ROR2: variants seen among roughly 807,000 people sequenced by gnomAD.
ROR2 encodes tyrosine-protein kinase transmembrane receptor ROR2.
Under a neutral mutation model 74.9 loss-of-function variants are expected in ROR2, and 33 were observed. The ratio of observed to expected loss-of-function variants is 0.44; its 90% confidence interval spans 0.33 to 0.59. The LOEUF is 0.59. Among genes scored for constraint, ROR2 ranks in the 20% least tolerant of loss-of-function variants. The pLI is 0.02. For synonymous variants in ROR2, 586 were observed against 558.7 expected, an observed-to-expected ratio of 1.05 and a Z score of -0.69; for missense variants, 1,216 against 1,313.8, an observed-to-expected ratio of 0.93 and a Z score of 1.15.
At chr9:91,891,997 G>A (rs1432974223) in intron 1 of ROR2, among the ~76,000 whole-genome samples, 3 of 148,780 alleles carry the variant, frequency 2.0e-5, no homozygotes, top group East Asian at 2.0e-4. Context: ...GCAGTGAACC[G>A]AGATCGCGCC....
chr9:91,726,805 T>G (rs946166948), intron 7 of ROR2, 62 bp from the exon 8 acceptor site: 100 of 1,540,258 alleles, frequency 6.5e-5, no homozygotes, highest in Non-Finnish European at 8.8e-5. Flanking sequence ...CTAAGTTCTC[T>G]ACCAACCCAC....
chr9:91,745,773 T>G (rs565727877), intron 4 of ROR2, among the ~76,000 whole-genome samples: 1 of 152,322 alleles, frequency 6.6e-6, no homozygotes, highest in South Asian at 2.1e-4. Context: ...ATTATCTTAC[T>G]GATGATTGTC....
At chr9:91,835,759 TGGAGCTCAG>T (rs1828593761) in intron 1 of ROR2, among the ~76,000 whole-genome samples, 1 of 152,138 alleles carries the variant, frequency 6.6e-6, no homozygotes, top group Non-Finnish European at 1.5e-5. Flanking sequence ...GGTGCACCTG[TGGAGCTCAG>T]GGGCTGACTG....
chr9:91,865,599 G>A lies in ROR2; in HGVS notation c.97+84268C>T, dbSNP rs186173973. 5.3e-4 allele frequency among the ~76,000 whole-genome samples: 81 copies of A among 152,278 alleles called. 1 individual carries two copies. The East Asian group carries it at 0.012, about 22-fold the overall frequency. On this transcript the variant is annotated intron_variant, in intron 1 of 8. Transcript: ENST00000375708. ...ATACAAATTTGCAGATCAGTCCTTT[G>A]TCATTCCTTTAAAAAGGGCCATGAC...
chr9:91,873,109 G>T (rs1829851544), intron 1 of ROR2, among the ~76,000 whole-genome samples: 1 of 152,160 alleles, frequency 6.6e-6, no homozygotes, highest in Non-Finnish European at 1.5e-5. Context: ...CTGGTCCTGT[G>T]GGTCCGGCTT....
intron 1 of ROR2, among the ~76,000 whole-genome samples, chr9:91,823,455 A>G (rs886212353): frequency 6.6e-6 from 1 of 150,412 alleles, no homozygotes; most frequent in Non-Finnish European, 1.5e-5. Context: ...TCAGCCTCCC[A>G]AGTAGCTGGG....
intron 1 of ROR2, among the ~76,000 whole-genome samples, chr9:91,823,805 A>G (rs1177392846): frequency 6.6e-6 from 1 of 152,256 alleles, no homozygotes; most frequent in Non-Finnish European, 1.5e-5. Flanking sequence ...AATAAACAGG[A>G]TTACATTTAG....
chr9:91,840,709 T>C lies in ROR2; in HGVS notation c.98-64891A>G, dbSNP rs565090050. On this transcript the variant is annotated intron_variant, in intron 1 of 8. Transcript: ENST00000375708. ...ACAACCAAGACAGGTGAGGCGGTGATGGCCAGAACCAAATGCCAGCCTGGG... is the reference window on the plus strand; with the variant it reads ...ACAACCAAGACAGGTGAGGCGGTGACGGCCAGAACCAAATGCCAGCCTGGG... Among the ~76,000 whole-genome samples the C allele has an allele frequency of 3.9e-5, 6 of 152,332 alleles. No homozygotes were observed. The East Asian group carries it at 1.2e-3, about 29-fold the overall frequency.
intron 1 of ROR2, among the ~76,000 whole-genome samples, chr9:91,946,743 A>G (rs1042891900): frequency 2.2e-5 from 3 of 137,914 alleles, no homozygotes; most frequent in African/African-American, 9.2e-5. Context: ...AGTCCTTCAC[A>G]TCCAGTTCCC....
intron 1 of ROR2, among the ~76,000 whole-genome samples, chr9:91,870,874 T>A (rs1534529): frequency 0.015 from 2,259 of 152,260 alleles, 62 homozygotes; most frequent in African/African-American, 0.051. Context: ...ACTCACAGAG[T>A]CAAGAAAACT....
intron 1 of ROR2, among the ~76,000 whole-genome samples, chr9:91,932,501 A>G: frequency 7.4e-6 from 1 of 135,054 alleles, no homozygotes; most frequent in East Asian, 2.1e-4. Flanking sequence ...TACTAAAAAT[A>G]CAAAAAAAAA....
intron 1 of ROR2, among the ~76,000 whole-genome samples, chr9:91,859,546 G>C (rs190019462): frequency 4.6e-4 from 70 of 152,290 alleles, no homozygotes; most frequent in African/African-American, 1.6e-3. Flanking sequence ...TTTCAGGCCA[G>C]GCAGGGTGGC....
At chr9:91,894,727 T>C (rs934959953) in intron 1 of ROR2, among the ~76,000 whole-genome samples, 1 of 152,198 alleles carries the variant, frequency 6.6e-6, no homozygotes, top group Non-Finnish European at 1.5e-5. Flanking sequence ...GTTCCTTCAG[T>C]ATGCTTAATT....
chr9:91,936,700 A>G (rs1228315003), intron 1 of ROR2, among the ~76,000 whole-genome samples: 1 of 152,228 alleles, frequency 6.6e-6, no homozygotes, highest in African/African-American at 2.4e-5. Flanking sequence ...TTTAGGAAGC[A>G]GCTCTAATCT....
At chr9:91,785,637 A>C (rs1359385746) in intron 1 of ROR2, among the ~76,000 whole-genome samples, 1 of 152,218 alleles carries the variant, frequency 6.6e-6, no homozygotes, top group Non-Finnish European at 1.5e-5. Flanking sequence ...TGGGGCCAGG[A>C]CTCATATCTG....
At chr9:91,839,650 A>G (rs1587770647) in intron 1 of ROR2, among the ~76,000 whole-genome samples, 1 of 148,614 alleles carries the variant, frequency 6.7e-6, no homozygotes, top group East Asian at 2.0e-4. Context: ...TGAGAGGTAT[A>G]TATGTGGGGA....
intron 1 of ROR2, among the ~76,000 whole-genome samples, chr9:91,811,519 A>G (rs893451224): frequency 1.3e-5 from 2 of 152,184 alleles, no homozygotes; most frequent in African/African-American, 2.4e-5. Flanking sequence ...GCCCCTCTCA[A>G]TTGCTAGAAG....
intron 1 of ROR2, among the ~76,000 whole-genome samples, chr9:91,780,755 C>T (rs1257964722): frequency 6.6e-6 from 1 of 152,040 alleles, no homozygotes; most frequent in Non-Finnish European, 1.5e-5. Context: ...GGTGCCATTG[C>T]ACTCCAGCCT....
intron 1 of ROR2, among the ~76,000 whole-genome samples, chr9:91,940,718 G>C (rs1480202548): frequency 7.4e-6 from 1 of 135,292 alleles, no homozygotes; most frequent in Non-Finnish European, 1.5e-5. Context: ...TCTCTGTCTC[G>C]GCCTCCCGAG....
Sources: gnomAD v4.1 joint callset for allele counts (sites outside exome capture counted in the v4.1 genomes callset) on GRCh38, gnomAD v4.1.1 for gene constraint, MANE v1.5 for transcripts, NCBI Gene and HGNC (gene_info 2026-07-23, HGNC 2026-07-21) for gene names.